Variants in GLG1 observed in about 807,000 individuals in gnomAD.
GLG1 encodes the protein Golgi apparatus protein 1.
In GLG1, 38 loss-of-function variants were observed where a neutral mutation model predicts 160.5. That is an observed-to-expected ratio of 0.24 (90% confidence interval 0.18 to 0.31). GLG1 has a LOEUF of 0.31. GLG1 is among the 10% of genes least tolerant of loss of function. The pLI is 1.00. For synonymous variants in GLG1, 644 were observed against 543.4 expected (o/e 1.19, Z -2.57); for missense variants, 1,373 against 1,505.2 (o/e 0.91, Z 1.45).
intron 2 of GLG1, among the ~76,000 whole-genome samples, chr16:74,521,780 G>C (rs1011549559): frequency 6.6e-6 from 1 of 152,170 alleles, no homozygotes. Context: ...GTAAGTCCTG[G>C]CAGCAGTTCA....
At chr16:74,534,982 C>G (rs1402042486) in intron 1 of GLG1, among the ~76,000 whole-genome samples, 2 of 152,146 alleles carry the variant, frequency 1.3e-5, no homozygotes, top group Non-Finnish European at 2.9e-5. Context: ...TTAAATGTGC[C>G]TGGGTAGTTT....
chr16:74,582,836 A>G (rs894366084), intron 1 of GLG1, among the ~76,000 whole-genome samples: 409 of 12,392 alleles, frequency 0.033, 2 homozygotes, highest in Non-Finnish European at 0.04. Flanking sequence ...AATAAATAAA[A>G]TAAAATAAAA....
chr16:74,510,242 G>C (rs1031299830), intron 2 of GLG1, among the ~76,000 whole-genome samples: 1 of 151,938 alleles, frequency 6.6e-6, no homozygotes, highest in Non-Finnish European at 1.5e-5. Flanking sequence ...TGTTGGTCAG[G>C]CTGGTCTTGA....
intron 2 of GLG1, among the ~76,000 whole-genome samples, chr16:74,528,277 A>G (rs1412222211): frequency 5.3e-5 from 8 of 152,040 alleles, no homozygotes; most frequent in Non-Finnish European, 8.8e-5. Flanking sequence ...CTGGGATTAC[A>G]GGGGTGAGCC....
chr16:74,492,901 A>G lies in GLG1; in HGVS notation c.1234+56T>C, dbSNP rs1415963483. On this transcript the variant is annotated intron_variant, in intron 7 of 25. Transcript: ENST00000422840. ...AACGTTTATATATATAAAGCTTTAG[A>G]GTGTGAATCCAAAAAGGAACAGAAA... 5.7e-6 allele frequency: 6 copies of G among 1,059,958 alleles called. No homozygotes were observed. In the East Asian group the frequency reaches 1.0e-4, roughly 18 times the overall value. 65.7% of individuals were successfully genotyped at this position (1,059,958 alleles called of 1,614,324 possible).
chr16:74,555,489 C>T (rs1047847995), intron 1 of GLG1, among the ~76,000 whole-genome samples: 1 of 152,018 alleles, frequency 6.6e-6, no homozygotes, highest in Admixed American at 6.6e-5. Context: ...GAGTTCAAGA[C>T]CAGCCTGGGC....
intron 15 of GLG1, 91 bp from the exon 16 acceptor site, chr16:74,470,164 C>T (rs999029396): frequency 1.3e-6 from 1 of 782,810 alleles, no homozygotes; most frequent in Non-Finnish European, 2.3e-6. Context: ...CTCTCACAAG[C>T]CTGTTTACAA....
chr16:74,508,482 G>A (rs2016691199), intron 3 of GLG1, among the ~76,000 whole-genome samples: 1 of 152,044 alleles, frequency 6.6e-6, no homozygotes, highest in Admixed American at 6.6e-5. Flanking sequence ...AATTGATCCA[G>A]CTGCATAGCC....
At chr16:74,606,609 CG>C in intron 1 of GLG1, 47 bp downstream of exon 1, 1 of 1,480,788 alleles carries the variant, frequency 6.8e-7, no homozygotes, top group Non-Finnish European at 9.1e-7. Context: ...GCAACACCCT[CG>C]GGCCCGCACC....
intron 2 of GLG1, among the ~76,000 whole-genome samples, chr16:74,529,135 T>A (rs1349659253): frequency 1.3e-5 from 2 of 151,848 alleles, no homozygotes; most frequent in African/African-American, 4.8e-5. Flanking sequence ...CCCAGCTGAT[T>A]TTGTAATTTT....
chr16:74,519,565 G>GAAA (rs11451279), intron 2 of GLG1, among the ~76,000 whole-genome samples: 83 of 147,590 alleles, frequency 5.6e-4, no homozygotes, highest in African/African-American at 1.8e-3. Context: ...ACTGGTTTTT[G>GAAA]AAAAAAAAAA....
At chr16:74,486,621 A>G (rs532033364) in intron 8 of GLG1, among the ~76,000 whole-genome samples, 3 of 152,306 alleles carry the variant, frequency 2.0e-5, no homozygotes, top group African/African-American at 7.2e-5. Flanking sequence ...GAAAGACAGG[A>G]GAATAGGTAC....
intron 12 of GLG1, among the ~76,000 whole-genome samples, chr16:74,474,854 T>C (rs924403781): frequency 6.6e-6 from 1 of 152,058 alleles, no homozygotes; most frequent in Non-Finnish European, 1.5e-5. Flanking sequence ...GAGGGCCAAG[T>C]GGGCACAAGA....
rs892481970 is a variant in GLG1 at position 74,589,488 on chromosome 16, T to C, written c.438+17169A>G. Among the ~76,000 whole-genome samples the C allele has an allele frequency of 6.6e-5, 10 of 152,182 alleles. 2 individuals are homozygous for C. ...AAATTCCCAAACCACTGATATAAAATATTTTCCCAAAAATAACACTTACAT... is the reference window on the plus strand; with the variant it reads ...AAATTCCCAAACCACTGATATAAAACATTTTCCCAAAAATAACACTTACAT... On this transcript the variant is annotated intron_variant, in intron 1 of 25. Transcript: ENST00000422840.
At chr16:74,498,498 G>T (rs2016294295) in intron 4 of GLG1, among the ~76,000 whole-genome samples, 2 of 99,080 alleles carry the variant, frequency 2.0e-5, no homozygotes, top group Admixed American at 1.3e-4. Flanking sequence ...TATATATAGT[G>T]CTATCATTTA....
At chr16:74,504,011 T>G (rs2016508296) in intron 3 of GLG1, among the ~76,000 whole-genome samples, 1 of 152,176 alleles carries the variant, frequency 6.6e-6, no homozygotes, top group Admixed American at 6.5e-5. Context: ...TACCTACATA[T>G]CAAATGCTTA....
In GLG1 at chr16:74,606,776, C is replaced by T. The variant is rs1485908350; in HGVS notation, c.319G>A (p.Gly107Ser). 4 of 1,610,972 alleles carry T rather than the reference C, an allele frequency of 2.5e-6. No homozygotes were observed. The South Asian group carries it at 3.3e-5, about 13-fold the overall frequency. The change falls in exon 1 of 26, where the codon GGT (glycine) becomes AGT (serine). Residue 107 changes from glycine to serine, a missense_variant. Coordinates refer to ENST00000422840, the MANE Select transcript of GLG1 (RefSeq NM_001145667.2). The part of the protein sequence containing the change: ...PPARRGGAGA[G>S]GGWKLAEEES... ...TCCTCCGCCAGCTTCCAGCCCCCAC[C>T]AGCCCCCGCTCCTCCCCGCCGGGCC... is the stretch of plus-strand genomic sequence containing the variant.
intron 1 of GLG1, among the ~76,000 whole-genome samples, chr16:74,542,739 A>G (rs112108323): frequency 0.12 from 1,174 of 10,082 alleles, 30 homozygotes; most frequent in Non-Finnish European, 0.21. Flanking sequence ...GGAAGGGAGG[A>G]AGGAAGGAAG....
intron 2 of GLG1, among the ~76,000 whole-genome samples, chr16:74,513,535 C>T (rs990414768): frequency 6.6e-6 from 1 of 152,134 alleles, no homozygotes; most frequent in Admixed American, 6.6e-5. Context: ...CAAACTCCAA[C>T]AGACCTGCAG....
Sources: gnomAD v4.1 joint callset for allele counts (sites outside exome capture counted in the v4.1 genomes callset) on GRCh38, gnomAD v4.1.1 for gene constraint, MANE v1.5 for transcripts, NCBI Gene and HGNC (gene_info 2026-07-23, HGNC 2026-07-21) for gene names.